Variants in SLC12A8 observed in about 807,000 individuals in gnomAD.
SLC12A8 encodes the protein solute carrier family 12 member 8.
In SLC12A8, 69 loss-of-function variants were observed where a neutral mutation model predicts 75.6. That is an observed-to-expected ratio of 0.91 (90% confidence interval 0.75 to 1.11). The LOEUF is 1.11. Ranked by LOEUF, SLC12A8 falls within the 50% of genes most tolerant of loss-of-function variation. SLC12A8 has a pLI of 0.00. For synonymous variants in SLC12A8, 365 were observed against 372.8 expected (o/e 0.98, Z 0.24); for missense variants, 877 against 896.7 (o/e 0.98, Z 0.28).
At chr3:125,104,023 GAGAA>G (rs1427399809) in intron 10 of SLC12A8, among the ~76,000 whole-genome samples, 3 of 151,042 alleles carry the variant, frequency 2.0e-5, no homozygotes, top group East Asian at 3.9e-4. Context: ...AAAAAAGAGA[GAGAA>G]AGAGAGAGCC....
intron 2 of SLC12A8, among the ~76,000 whole-genome samples, chr3:125,199,536 G>A (rs1935079160): frequency 6.6e-6 from 1 of 150,584 alleles, no homozygotes; most frequent in South Asian, 2.2e-4. Context: ...GAAGCCAGGA[G>A]TTTGAGACCA....
At chr3:125,140,540 T>C (rs1933605555) in intron 5 of SLC12A8, among the ~76,000 whole-genome samples, 1 of 152,086 alleles carries the variant, frequency 6.6e-6, no homozygotes, top group African/African-American at 2.4e-5. Context: ...AGTCCTATCC[T>C]GTGGAACACC....
chr3:125,155,527 T>G (rs1414347220), intron 5 of SLC12A8, among the ~76,000 whole-genome samples: 1 of 151,532 alleles, frequency 6.6e-6, no homozygotes, highest in Admixed American at 6.6e-5. Flanking sequence ...ATCCCAGCAC[T>G]TTGGAAGGCT....
chr3:125,130,994 C>T (rs1229377906), intron 6 of SLC12A8, among the ~76,000 whole-genome samples: 1 of 152,242 alleles, frequency 6.6e-6, no homozygotes, highest in Non-Finnish European at 1.5e-5. Flanking sequence ...GGGGTCTTCA[C>T]TCAGTGGGGA....
At chr3:125,142,862 T>C (rs998529398) in intron 5 of SLC12A8, among the ~76,000 whole-genome samples, 2 of 152,198 alleles carry the variant, frequency 1.3e-5, no homozygotes, top group Non-Finnish European at 2.9e-5. Flanking sequence ...ACACAGTTGG[T>C]TTCCAATGGC....
intron 5 of SLC12A8, among the ~76,000 whole-genome samples, chr3:125,136,195 C>G (rs1474178638): frequency 6.6e-6 from 1 of 152,160 alleles, no homozygotes; most frequent in East Asian, 1.9e-4. Flanking sequence ...GCTACAGAAT[C>G]AAGTCCAAAC....
Position 125,157,502 on chromosome 3 carries a change from A to C in SLC12A8, c.622+20241T>G, listed in dbSNP as rs576254526. Among the ~76,000 whole-genome samples the C allele has an allele frequency of 3.9e-4, 60 of 152,290 alleles. 1 individual carries two copies. The South Asian group carries it at 0.011, about 28-fold the overall frequency. The stretch of plus-strand genomic sequence containing the variant: ...CTCTGCCTCCTCGCTTTGAAGCACC[A>C]TCACCTCAGGGAACTGGGAAGAACT... On this transcript the variant is annotated intron_variant, in intron 5 of 13. Transcript: ENST00000469902.
chr3:125,118,803 T>C lies in SLC12A8; in HGVS notation c.878A>G (p.Glu293Gly). ...VFLLGAICTR[E>G]ALRYDFLIAE... ...TATCAGGAAGTCATAGCGAAGGGCC[T>C]CTCGAGTGCAGATGGCGCCCAGGAG... The change falls in exon 8 of 14, where the codon GAG becomes GGG. Residue 293 changes from glutamate (E) to glycine (G), a missense_variant. Coordinates refer to ENST00000469902, the MANE Select transcript of SLC12A8 (RefSeq NM_024628.6). The C allele has an allele frequency of 6.2e-7, 1 of 1,613,806 alleles. No individual in the cohort carries two copies.
intron 13 of SLC12A8, among the ~76,000 whole-genome samples, chr3:125,086,619 A>C (rs67126356): frequency 0.051 from 7,827 of 152,188 alleles, 329 homozygotes; most frequent in East Asian, 0.18. Flanking sequence ...TTCCATTTAA[A>C]CTCTACTCTT....
At chr3:125,155,375 T>C (rs565963442) in intron 5 of SLC12A8, among the ~76,000 whole-genome samples, 7 of 152,294 alleles carry the variant, frequency 4.6e-5, no homozygotes, top group Admixed American at 2.0e-4. Flanking sequence ...AAAGTATTAA[T>C]TTCGGCGAGG....
chr3:125,139,651 G>A (rs1325132777), intron 5 of SLC12A8, among the ~76,000 whole-genome samples: 1 of 152,170 alleles, frequency 6.6e-6, no homozygotes, highest in Non-Finnish European at 1.5e-5. Flanking sequence ...TTGGGCTTAT[G>A]CAGAGTGGGT....
intron 7 of SLC12A8, among the ~76,000 whole-genome samples, chr3:125,120,361 G>T (rs939907439): frequency 6.6e-6 from 1 of 152,130 alleles, no homozygotes; most frequent in African/African-American, 2.4e-5. Context: ...TTCGATCTGT[G>T]ATCTGGGTCC....
rs369789565 is a variant in SLC12A8, at chr3:125,158,496, T to C, written c.622+19247A>G. 5.5e-4 allele frequency among the ~76,000 whole-genome samples: 83 copies of C among 152,258 alleles called. 1 individual carries two copies. Among genetic ancestry groups the C allele is most frequent in the African/African-American group, 1.9e-3 (79 of 41,550 alleles). ...TCGGCCTCCCAAAGTGCTGGGATTA[T>C]AGGTGTGAGCCACAGTGCCTGGGCC... On this transcript the variant is annotated intron_variant, in intron 5 of 13. Coordinates refer to ENST00000469902, the MANE Select transcript of SLC12A8 (RefSeq NM_024628.6).
chr3:125,112,440 C>G (rs1008162703), intron 8 of SLC12A8, among the ~76,000 whole-genome samples: 1 of 152,140 alleles, frequency 6.6e-6, no homozygotes, highest in African/African-American at 2.4e-5. Context: ...TAGTTATGCT[C>G]ATGGCTTATC....
At chr3:125,103,483 GAGAC>G (rs1192182388) in intron 10 of SLC12A8, among the ~76,000 whole-genome samples, 1 of 144,888 alleles carries the variant, frequency 6.9e-6, no homozygotes, top group South Asian at 2.2e-4. Context: ...AAAAAAAAGA[GAGAC>G]AGAGGCTCAC....
intron 6 of SLC12A8, among the ~76,000 whole-genome samples, chr3:125,134,876 T>C (rs1200448192): frequency 6.6e-6 from 1 of 152,248 alleles, no homozygotes; most frequent in Non-Finnish European, 1.5e-5. Flanking sequence ...AAGACAGATA[T>C]CCTCTGGCCA....
intron 10 of SLC12A8, 112 bp from the exon 11 acceptor site, chr3:125,092,310 A>G (rs1160413987): frequency 2.3e-5 from 15 of 659,298 alleles, no homozygotes; most frequent in African/African-American, 7.2e-5. Flanking sequence ...AGCCTAAAAG[A>G]CATCTCCCAG....
chr3:125,170,941 A>T (rs1196927305), intron 5 of SLC12A8, among the ~76,000 whole-genome samples: 2 of 152,012 alleles, frequency 1.3e-5, no homozygotes, highest in Non-Finnish European at 2.9e-5. Flanking sequence ...AAAGAAAGAA[A>T]ATAGACTGAG....
intron 5 of SLC12A8, 139 bp from the exon 6 acceptor site, chr3:125,135,921 G>A (rs1159752552): frequency 2.2e-5 from 11 of 491,712 alleles, no homozygotes; most frequent in Middle Eastern, 3.2e-4. Flanking sequence ...GCGACAGAGC[G>A]GGTCTGCAGA....
Sources: gnomAD v4.1 joint callset for allele counts (sites outside exome capture counted in the v4.1 genomes callset) on GRCh38, gnomAD v4.1.1 for gene constraint, MANE v1.5 for transcripts, NCBI Gene and HGNC (gene_info 2026-07-23, HGNC 2026-07-21) for gene names.